The following APBA2 variants were observed in gnomAD, a reference collection of about 807,000 sequenced individuals.
APBA2 encodes amyloid beta precursor protein binding family A member 2, also known as amyloid-beta A4 precursor protein-binding family A member 2.
A neutral mutation model predicts 75.0 loss-of-function variants in APBA2; 30 were observed. That is an observed-to-expected ratio of 0.40 (90% CI 0.30 to 0.54). The LOEUF is 0.54. Ranked by LOEUF, APBA2 falls within the 20% of genes least tolerant of loss-of-function variation. The pLI, the probability that APBA2 is intolerant of heterozygous loss-of-function variation, is 0.49. For missense variants in APBA2, 801 were observed against 1,016.1 expected, an observed-to-expected ratio of 0.79 and a Z score of 2.88; for synonymous variants, 444 against 409.6, an observed-to-expected ratio of 1.08 and a Z score of -1.01.
intron 2 of APBA2, among the ~76,000 whole-genome samples, chr15:28,962,438 G>A (rs1045467968): frequency 6.6e-6 from 1 of 151,982 alleles, no homozygotes; most frequent in African/African-American, 2.4e-5. Context: ...GCATGGTGGC[G>A]GGCGCCTGTA....
At chr15:29,093,032 G>T (rs1413023688) in intron 6 of APBA2, 43 bp from the exon 7 acceptor site, 1 of 1,613,298 alleles carries the variant, frequency 6.2e-7, no homozygotes, top group South Asian at 1.1e-5. Flanking sequence ...TTGTTCAGGG[G>T]ACTTCTCCTC....
chr15:28,922,516 T>C (rs922337664), intron 2 of APBA2, among the ~76,000 whole-genome samples: 1 of 152,170 alleles, frequency 6.6e-6, no homozygotes, highest in Non-Finnish European at 1.5e-5. Context: ...CCGCAGGAGC[T>C]CTGTGCCCAG....
At chr15:29,072,856 G>A (rs1049982300) in intron 4 of APBA2, among the ~76,000 whole-genome samples, 1 of 152,104 alleles carries the variant, frequency 6.6e-6, no homozygotes, top group African/African-American at 2.4e-5. Context: ...CAGAACTGCT[G>A]GGTCCCAGCT....
At chr15:29,038,696 C>T (rs905578019) in intron 3 of APBA2, among the ~76,000 whole-genome samples, 9 of 124,336 alleles carry the variant, frequency 7.2e-5, no homozygotes, top group East Asian at 2.8e-4. Flanking sequence ...TTTTCTGAGA[C>T]GAAGTCTCAC....
intron 4 of APBA2, among the ~76,000 whole-genome samples, chr15:29,072,571 G>T (rs757348960): frequency 6.6e-6 from 1 of 152,122 alleles, no homozygotes; most frequent in Non-Finnish European, 1.5e-5. Context: ...CAGCCCTGCA[G>T]AAAGGGGCGC....
chr15:29,061,893 G>A (rs1296588153), intron 4 of APBA2, among the ~76,000 whole-genome samples: 1 of 152,236 alleles, frequency 6.6e-6, no homozygotes, highest in East Asian at 1.9e-4. Context: ...AGTGGCATGG[G>A]GTTGTTGGCA....
intron 4 of APBA2, among the ~76,000 whole-genome samples, chr15:29,060,845 T>C (rs1053547620): frequency 6.6e-6 from 1 of 152,148 alleles, no homozygotes; most frequent in African/African-American, 2.4e-5. Flanking sequence ...AAGGCTCGTA[T>C]TGTGTGACCT....
At chr15:29,101,808 C>T (rs759989148) in intron 10 of APBA2, 24 bp downstream of exon 10, 14 of 1,607,472 alleles carry the variant, frequency 8.7e-6, no homozygotes, top group East Asian at 2.2e-5. Context: ...TGCCAGGGCA[C>T]TCCCCTCCCA....
intron 3 of APBA2, among the ~76,000 whole-genome samples, chr15:29,032,203 T>C (rs145134125): frequency 8.5e-5 from 13 of 152,372 alleles, no homozygotes; most frequent in African/African-American, 2.4e-4. Flanking sequence ...GTGTGTTAAC[T>C]TTGCCCAGCT....
At chr15:29,005,522 A>G (rs1431324224) in intron 3 of APBA2, among the ~76,000 whole-genome samples, 1 of 152,160 alleles carries the variant, frequency 6.6e-6, no homozygotes, top group Admixed American at 6.5e-5. Flanking sequence ...TTGGCCTCCG[A>G]AAGTGCTGGG....
chr15:28,889,866 T>C (rs541727157), intron 1 of APBA2, among the ~76,000 whole-genome samples: 1 of 152,252 alleles, frequency 6.6e-6, no homozygotes, highest in East Asian at 1.9e-4. Flanking sequence ...TTAACCTTGC[T>C]TTGTGTTTCT....
In APBA2 at chr15:28,965,959, A is replaced by G. The variant is rs572185371; in HGVS notation, c.-94-29794A>G. On this transcript the variant is annotated intron_variant, in intron 2 of 14. Transcript: ENST00000683413. ...TCCCTTGAGATTTCCCCTTTGACCT[A>G]TGGATTAGTTAGAAGTGTGTTGGTT... Among the ~76,000 whole-genome samples, 7 of 152,250 alleles carry G rather than the reference A, an allele frequency of 4.6e-5. No homozygotes were observed. In the South Asian group the frequency reaches 1.0e-3, roughly 23 times the overall value.
chr15:28,916,381 T>G (rs1225042582), intron 1 of APBA2, among the ~76,000 whole-genome samples: 1 of 152,228 alleles, frequency 6.6e-6, no homozygotes, highest in African/African-American at 2.4e-5. Flanking sequence ...AGAGGAGACC[T>G]TCAAAGGCAC....
intron 13 of APBA2, among the ~76,000 whole-genome samples, chr15:29,113,591 C>G (rs1374512677): frequency 1.3e-5 from 2 of 152,200 alleles, no homozygotes; most frequent in Non-Finnish European, 2.9e-5. Flanking sequence ...AGTCTCTAGC[C>G]TGACCACAAA....
At chr15:28,986,906 C>CT (rs1316346618) in intron 2 of APBA2, among the ~76,000 whole-genome samples, 10 of 152,284 alleles carry the variant, frequency 6.6e-5, no homozygotes, top group Middle Eastern at 6.8e-3. Context: ...TGTGGGAAGT[C>CT]TAAGATCAAG....
intron 7 of APBA2, among the ~76,000 whole-genome samples, 195 bp from the exon 8 acceptor site, chr15:29,094,083 C>T (rs966726998): frequency 2.0e-5 from 3 of 152,208 alleles, no homozygotes; most frequent in Non-Finnish European, 2.9e-5. Flanking sequence ...TTCTAGCGCT[C>T]CAGGGACACC....
intron 2 of APBA2, among the ~76,000 whole-genome samples, chr15:28,978,301 C>T (rs1220569420): frequency 6.6e-6 from 1 of 152,226 alleles, no homozygotes. Context: ...TGCAACTTGG[C>T]TCCTCCACAC....
At chr15:29,052,454 C>CAAAAAAAAAAAAAAAAAAAAA (rs61521872) in intron 3 of APBA2, among the ~76,000 whole-genome samples, 7 of 103,160 alleles carry the variant, frequency 6.8e-5, no homozygotes, top group African/African-American at 3.1e-4. Context: ...GACTCCATCT[C>CAAAAAAAAAAAAAAAAAAAAA]AAAAAAAAAA....
At chr15:28,972,010 C>G (rs2037094992) in intron 2 of APBA2, among the ~76,000 whole-genome samples, 1 of 152,142 alleles carries the variant, frequency 6.6e-6, no homozygotes, top group African/African-American at 2.4e-5. Flanking sequence ...CATGAGCCAG[C>G]TCTTCATAAA....
Sources: allele counts gnomAD v4.1 joint callset (sites outside exome capture counted in the v4.1 genomes callset), GRCh38; gene constraint gnomAD v4.1.1; transcripts MANE v1.5; gene names NCBI Gene and HGNC (gene_info 2026-07-23, HGNC 2026-07-21).